Variants in PTPRM observed in about 807,000 individuals in gnomAD.
PTPRM encodes receptor-type tyrosine-protein phosphatase mu.
Under a neutral mutation model 186.7 loss-of-function variants are expected in PTPRM, and 47 were observed. The observed-to-expected ratio is 0.25, with a 90% confidence interval of 0.20 to 0.32. The LOEUF (loss-of-function observed/expected upper bound fraction) is 0.32. Among genes scored for constraint, PTPRM ranks in the 10% least tolerant of loss-of-function variants. PTPRM has a pLI of 1.00. For synonymous variants in PTPRM, 668 were observed against 674.9 expected (o/e 0.99, Z 0.16); for missense variants, 1,494 against 1,865.0 (o/e 0.80, Z 3.66).
intron 2 of PTPRM, among the ~76,000 whole-genome samples, chr18:7,796,032 A>T (rs2043624610): frequency 6.6e-6 from 1 of 151,678 alleles, no homozygotes; most frequent in African/African-American, 2.4e-5. Context: ...TTGGTCTCGA[A>T]CTCTTGGGCT....
chr18:8,163,548 G>T (rs2146364723), intron 14 of PTPRM, among the ~76,000 whole-genome samples: 1 of 152,232 alleles, frequency 6.6e-6, no homozygotes, highest in African/African-American at 2.4e-5. Context: ...TTTACCAAAG[G>T]AACACAGCAT....
chr18:7,977,337 C>T (rs2055021227), intron 7 of PTPRM, among the ~76,000 whole-genome samples: 1 of 152,128 alleles, frequency 6.6e-6, no homozygotes, highest in Non-Finnish European at 1.5e-5. Context: ...GATCTGCCTT[C>T]CTCGGCCTCC....
At chr18:7,746,243 G>GAA (rs35420211) in intron 1 of PTPRM, among the ~76,000 whole-genome samples, 2 of 151,534 alleles carry the variant, frequency 1.3e-5, no homozygotes, top group African/African-American at 2.4e-5. Flanking sequence ...AGAACAGCCA[G>GAA]AAAAAAAAGA....
At chr18:7,990,630 G>C (rs183603849) in intron 7 of PTPRM, among the ~76,000 whole-genome samples, 1 of 152,302 alleles carries the variant, frequency 6.6e-6, no homozygotes, top group Admixed American at 6.5e-5. Context: ...GATTGGCATT[G>C]ATTCATGGAG....
At chr18:7,644,012 G>A (rs2038505021) in intron 1 of PTPRM, among the ~76,000 whole-genome samples, 1 of 152,092 alleles carries the variant, frequency 6.6e-6, no homozygotes, top group African/African-American at 2.4e-5. Flanking sequence ...TAATGGGAAT[G>A]TTTTCTCTTT....
intron 1 of PTPRM, among the ~76,000 whole-genome samples, chr18:7,638,707 C>T (rs1160866609): frequency 2.6e-5 from 4 of 152,124 alleles, no homozygotes; most frequent in Non-Finnish European, 5.9e-5. Flanking sequence ...TAGGTTAGTT[C>T]TTATGCTAAT....
chr18:7,621,778 A>G (rs76090917), intron 1 of PTPRM, among the ~76,000 whole-genome samples: 13,060 of 152,082 alleles, frequency 0.086, 803 homozygotes, highest in South Asian at 0.2. Flanking sequence ...AATTCCCTCC[A>G]TGTCTTTTTG....
intron 32 of PTPRM, chr18:8,403,565 T>C (rs1330700613): frequency 6.6e-6 from 1 of 152,098 alleles, no homozygotes; most frequent in African/African-American, 2.4e-5. Context: ...AACAAGCACA[T>C]GTACCCCAAA....
chr18:7,879,192 C>A (rs2048378684), intron 2 of PTPRM, among the ~76,000 whole-genome samples: 1 of 152,146 alleles, frequency 6.6e-6, no homozygotes, highest in Non-Finnish European at 1.5e-5. Context: ...ACTACAGAAC[C>A]CACCGGGTTT....
intron 13 of PTPRM, among the ~76,000 whole-genome samples, chr18:8,139,594 T>C (rs1284404589): frequency 6.6e-6 from 1 of 152,148 alleles, no homozygotes; most frequent in African/African-American, 2.4e-5. Context: ...ACCCTAAAAT[T>C]ATGCTTCACC....
At chr18:8,225,363 A>G (rs1046146814) in intron 14 of PTPRM, among the ~76,000 whole-genome samples, 3 of 151,044 alleles carry the variant, frequency 2.0e-5, no homozygotes, top group African/African-American at 7.3e-5. Flanking sequence ...CCTTTGGCCA[A>G]TAGGAGTTCA....
At chr18:7,982,609 T>A (rs2082618847) in intron 7 of PTPRM, among the ~76,000 whole-genome samples, 1 of 152,142 alleles carries the variant, frequency 6.6e-6, no homozygotes, top group Non-Finnish European at 1.5e-5. Flanking sequence ...AACATAGTTG[T>A]CTATTATCAT....
intron 7 of PTPRM, among the ~76,000 whole-genome samples, chr18:7,981,320 A>C (rs1035975859): frequency 6.6e-6 from 1 of 152,156 alleles, no homozygotes; most frequent in African/African-American, 2.4e-5. Flanking sequence ...ATCTTCAGGA[A>C]CCATATCTGC....
rs114986003 is a variant in PTPRM at position 8,263,473 on chromosome 18, A to G, written c.2754+10059A>G. On this transcript the variant is annotated intron_variant, in intron 19 of 32. Transcript: ENST00000580170. ...TTATTTAACCTTGTGGCAGGAATGA[A>G]ATATATTTGGTCTTTGTGCCTGGTT... 9.8e-3 allele frequency among the ~76,000 whole-genome samples: 1,488 copies of G among 152,260 alleles called. 18 individuals are homozygous for G. Among genetic ancestry groups the G allele is most frequent in the African/African-American group, 0.033 (1,369 of 41,552 alleles).
chr18:7,905,624 C>T (rs573719058), intron 3 of PTPRM, among the ~76,000 whole-genome samples: 1 of 152,108 alleles, frequency 6.6e-6, no homozygotes, highest in Non-Finnish European at 1.5e-5. Flanking sequence ...CCCAATTCTC[C>T]CCTTGAAGGC....
chr18:7,868,760 C>T (rs1423318004), intron 2 of PTPRM, among the ~76,000 whole-genome samples: 1 of 152,238 alleles, frequency 6.6e-6, no homozygotes, highest in Non-Finnish European at 1.5e-5. Flanking sequence ...TCAGAGCTGA[C>T]AGGCAGAAAC....
At chr18:7,793,860 GCAGCT>G (rs1814064187) in intron 2 of PTPRM, among the ~76,000 whole-genome samples, 2 of 152,142 alleles carry the variant, frequency 1.3e-5, no homozygotes, top group South Asian at 4.1e-4. Context: ...AGACACACAA[GCAGCT>G]GGACATCGAG....
intron 19 of PTPRM, among the ~76,000 whole-genome samples, chr18:8,255,899 G>A (rs972545894): frequency 6.6e-6 from 1 of 152,108 alleles, no homozygotes; most frequent in African/African-American, 2.4e-5. Context: ...CCTAAGAAGC[G>A]TGTGTCATGG....
chr18:7,580,954 T>C (rs1055773006), intron 1 of PTPRM, among the ~76,000 whole-genome samples: 4 of 152,230 alleles, frequency 2.6e-5, no homozygotes, highest in African/African-American at 9.7e-5. Context: ...TATGATGACC[T>C]TCTGGAGAGA....
Sources: gnomAD v4.1 joint callset for allele counts (sites outside exome capture counted in the v4.1 genomes callset) on GRCh38, gnomAD v4.1.1 for gene constraint, MANE v1.5 for transcripts, NCBI Gene and HGNC (gene_info 2026-07-23, HGNC 2026-07-21) for gene names.